DGKB: variants seen among roughly 807,000 people sequenced by gnomAD.
DGKB encodes the protein 90 kDa diacylglycerol kinase.
Under a neutral mutation model 114.3 loss-of-function variants are expected in DGKB, and 67 were observed. The ratio of observed to expected loss-of-function variants is 0.59; its 90% CI spans 0.48 to 0.72. The LOEUF (loss-of-function observed/expected upper bound fraction) is 0.72. Ranked by LOEUF, DGKB falls within the 30% of genes least tolerant of loss-of-function variation. The pLI, the probability that DGKB is intolerant of heterozygous loss-of-function variation, is 0.00. For missense variants in DGKB, 907 were observed against 975.2 expected, an observed-to-expected ratio of 0.93 and a Z score of 0.93; for synonymous variants, 398 against 323.1, an observed-to-expected ratio of 1.23 and a Z score of -2.49.
At chr7:14,455,971 C>T (rs768293356) in intron 21 of DGKB, among the ~76,000 whole-genome samples, 2 of 151,956 alleles carry the variant, frequency 1.3e-5, no homozygotes, top group Admixed American at 6.6e-5. Context: ...AAAATGTATA[C>T]ACCGTATACA....
chr7:14,530,623 G>T (rs1791427188), intron 20 of DGKB, among the ~76,000 whole-genome samples: 1 of 151,416 alleles, frequency 6.6e-6, no homozygotes, highest in South Asian at 2.1e-4. Flanking sequence ...AAATACAGAT[G>T]AGATAAAGCT....
intron 13 of DGKB, among the ~76,000 whole-genome samples, chr7:14,653,890 C>T (rs1037194236): frequency 6.6e-6 from 1 of 151,974 alleles, no homozygotes; most frequent in African/African-American, 2.4e-5. Flanking sequence ...TACCCCTACA[C>T]AATAAAGGCC....
intron 21 of DGKB, among the ~76,000 whole-genome samples, chr7:14,415,652 T>C (rs530137550): frequency 1.1e-4 from 17 of 152,300 alleles, no homozygotes; most frequent in African/African-American, 4.1e-4. Context: ...TGCCACATTT[T>C]CTTAATCCAG....
chr7:14,609,005 T>G (rs563250031), intron 16 of DGKB, among the ~76,000 whole-genome samples: 9 of 152,042 alleles, frequency 5.9e-5, no homozygotes, highest in Non-Finnish European at 1.3e-4. Context: ...ATTTATAGAT[T>G]TAACACTATT....
chr7:14,522,658 A>G (rs1446938757), intron 20 of DGKB, among the ~76,000 whole-genome samples: 1 of 152,176 alleles, frequency 6.6e-6, no homozygotes, highest in Non-Finnish European at 1.5e-5. Flanking sequence ...TGGTCTTACA[A>G]CTGAAGTTCA....
At chr7:14,161,329 T>C (rs977143202) in intron 25 of DGKB, among the ~76,000 whole-genome samples, 17 of 152,138 alleles carry the variant, frequency 1.1e-4, no homozygotes, top group African/African-American at 4.1e-4. Context: ...ACCCAAAGGA[T>C]TATAAATCAT....
chr7:14,316,830 A>G (rs1340869693), intron 23 of DGKB, among the ~76,000 whole-genome samples: 2 of 149,468 alleles, frequency 1.3e-5, no homozygotes, highest in Non-Finnish European at 3.0e-5. Context: ...AGACACAACC[A>G]AAAAAGAGAA....
At chr7:14,682,721 C>A in intron 11 of DGKB, 32 bp downstream of exon 11, 2 of 1,608,060 alleles carry the variant, frequency 1.2e-6, no homozygotes, top group Non-Finnish European at 1.7e-6. Context: ...ATAATGGCCA[C>A]CTTCAGAAAG....
chr7:14,289,744 CAAAAAA>C (rs3067647), intron 23 of DGKB, among the ~76,000 whole-genome samples: 5 of 126,802 alleles, frequency 3.9e-5, no homozygotes, highest in Non-Finnish European at 6.7e-5. Context: ...AGACATGGAC[CAAAAAA>C]AAAAAAAAAA....
At chr7:14,566,906 A>G (rs1164602332) in intron 20 of DGKB, among the ~76,000 whole-genome samples, 1 of 150,204 alleles carries the variant, frequency 6.7e-6, no homozygotes, top group African/African-American at 2.5e-5. Flanking sequence ...GCCTTTCCTG[A>G]CTCTCAGATC....
At chr7:14,553,639 G>C (rs1298969043) in intron 20 of DGKB, among the ~76,000 whole-genome samples, 1 of 151,976 alleles carries the variant, frequency 6.6e-6, no homozygotes, top group Non-Finnish European at 1.5e-5. Flanking sequence ...TATTTGAATG[G>C]GAATGTTAGC....
intron 23 of DGKB, among the ~76,000 whole-genome samples, chr7:14,202,419 A>G (rs767262498): frequency 7.9e-5 from 12 of 152,068 alleles, no homozygotes; most frequent in Non-Finnish European, 1.3e-4. Context: ...ATAACAAGGT[A>G]TTTTTCAGGG....
chr7:14,497,997 T>C (rs1299720784), intron 20 of DGKB, among the ~76,000 whole-genome samples: 1 of 151,932 alleles, frequency 6.6e-6, no homozygotes, highest in African/African-American at 2.4e-5. Flanking sequence ...TTTAATATAT[T>C]CTTATTTATG....
At chr7:14,838,694 TCTCTAGC>T (rs1471934796) in intron 2 of DGKB, among the ~76,000 whole-genome samples, 1 of 152,188 alleles carries the variant, frequency 6.6e-6, no homozygotes, top group African/African-American at 2.4e-5. Flanking sequence ...TAGTCTCTAG[TCTCTAGC>T]ATCTTTCCAT....
In DGKB at chr7:14,478,817, C is replaced by T. The variant is rs186843140; in HGVS notation, c.1771-592G>A. Among the ~76,000 whole-genome samples, 343 of 151,368 alleles carry T rather than the reference C, an allele frequency of 2.3e-3. 3 individuals are homozygous for T. In the Middle Eastern group the frequency reaches 0.024, roughly 11 times the overall value. ...CTCGTTGAATAGAAAAAAAAAACAA[C>T]AACAAAGAGAAACATTTATTTTTGG... On this transcript the variant is annotated intron_variant, in intron 20 of 25. Coordinates refer to ENST00000402815, the MANE Select transcript of DGKB (RefSeq NM_001350709.2).
At chr7:14,233,042 T>C (rs1384430282) in intron 23 of DGKB, among the ~76,000 whole-genome samples, 1 of 152,094 alleles carries the variant, frequency 6.6e-6, no homozygotes, top group Non-Finnish European at 1.5e-5. Context: ...AAGCTTATTA[T>C]TCATGCTTGT....
intron 1 of DGKB, among the ~76,000 whole-genome samples, chr7:14,953,591 C>T (rs1048950564): frequency 2.6e-5 from 4 of 152,070 alleles, no homozygotes; most frequent in African/African-American, 9.7e-5. Context: ...TCATACACTG[C>T]TGATGGGAAC....
At chr7:14,440,133 A>T (rs1219053205) in intron 21 of DGKB, among the ~76,000 whole-genome samples, 2 of 152,116 alleles carry the variant, frequency 1.3e-5, no homozygotes, top group Admixed American at 6.6e-5. Flanking sequence ...GTTGGGTAGA[A>T]AGAGCAGGGA....
chr7:14,577,533 C>A (rs374357607), intron 19 of DGKB, among the ~76,000 whole-genome samples: 1 of 152,068 alleles, frequency 6.6e-6, no homozygotes, highest in Non-Finnish European at 1.5e-5. Context: ...AGGAGAATGG[C>A]GTGAACCCGG....
Sources: gnomAD v4.1 joint callset for allele counts (sites outside exome capture counted in the v4.1 genomes callset) on GRCh38, gnomAD v4.1.1 for gene constraint, MANE v1.5 for transcripts, NCBI Gene and HGNC (gene_info 2026-07-23, HGNC 2026-07-21) for gene names.